The following CEP85L variants were observed in gnomAD, a reference collection of about 807,000 sequenced individuals.
CEP85L encodes the protein centrosomal protein of 85 kDa-like.
Under a neutral mutation model 100.3 loss-of-function variants are expected in CEP85L, and 60 were observed. The observed-to-expected ratio is 0.60, with a 90% CI of 0.49 to 0.74. The LOEUF is 0.74. CEP85L is among the 30% of genes least tolerant of loss of function. The probability of loss-of-function intolerance (pLI) is 0.00; values close to 1 mark genes in which losing one functional copy is unlikely to be tolerated. For missense variants in CEP85L, 973 were observed against 936.2 expected (o/e 1.04, Z -0.51); for synonymous variants, 319 against 322.7 (o/e 0.99, Z 0.12).
chr6:118,548,277 A>G (rs1415190345), intron 3 of CEP85L: 1 of 152,036 alleles, frequency 6.6e-6, no homozygotes, highest in Non-Finnish European at 1.5e-5. Context: ...TTTCTCCTCC[A>G]CCTACTGCAA....
intron 5 of CEP85L, among the ~76,000 whole-genome samples, chr6:118,510,585 C>A (rs1331345232): frequency 6.6e-6 from 1 of 152,064 alleles, no homozygotes; most frequent in African/African-American, 2.4e-5. Flanking sequence ...ATAACACACT[C>A]TGTTAGCATG....
At chr6:118,527,999 A>G (rs2114809551) in intron 3 of CEP85L, among the ~76,000 whole-genome samples, 1 of 152,232 alleles carries the variant, frequency 6.6e-6, no homozygotes, top group South Asian at 2.1e-4. Flanking sequence ...TCTATTTCCA[A>G]TGACCACACA....
intron 2 of CEP85L, among the ~76,000 whole-genome samples, chr6:118,620,943 GA>G (rs1448977336): frequency 8.5e-5 from 13 of 152,114 alleles, no homozygotes; most frequent in African/African-American, 2.9e-4. Context: ...TTAACTACAC[GA>G]ATACGGGGGA....
chr6:118,667,688 G>T (rs1349827979), intron 1 of CEP85L, among the ~76,000 whole-genome samples: 1 of 152,154 alleles, frequency 6.6e-6, no homozygotes, highest in African/African-American at 2.4e-5. Flanking sequence ...AAGGGACTAA[G>T]GCCTAGAGAG....
intron 1 of CEP85L, among the ~76,000 whole-genome samples, chr6:118,660,506 A>T: frequency 6.6e-6 from 1 of 152,226 alleles, no homozygotes; most frequent in East Asian, 1.9e-4. Context: ...CCATACTCCT[A>T]CTTACTTGAA....
chr6:118,515,165 TAATAAA>T (rs1776199861), intron 4 of CEP85L, among the ~76,000 whole-genome samples: 1 of 151,960 alleles, frequency 6.6e-6, no homozygotes, highest in South Asian at 2.1e-4. Flanking sequence ...AACTTAATAA[TAATAAA>T]AAGATCAATT....
chr6:118,700,271 T>G (rs939108557), intron 1 of CEP85L, among the ~76,000 whole-genome samples: 4 of 152,212 alleles, frequency 2.6e-5, no homozygotes, highest in Admixed American at 2.0e-4. Flanking sequence ...CATGTGATAA[T>G]CTACCCCAAT....
At chr6:118,489,271 C>CAAAAAAAAAAAAAAAAA (rs371393488) in intron 6 of CEP85L, among the ~76,000 whole-genome samples, 1 of 127,380 alleles carries the variant, frequency 7.9e-6, no homozygotes. Context: ...AGCTCTGTCT[C>CAAAAAAAAAAAAAAAAA]AAAAAAAAAA....
chr6:118,565,466 AAG>A, intron 3 of CEP85L, 61 bp downstream of exon 3: 6 of 1,430,024 alleles, frequency 4.2e-6, no homozygotes, highest in Non-Finnish European at 5.9e-6. Flanking sequence ...TGCTTACTGT[AAG>A]TGTGCTACTG....
intron 10 of CEP85L, among the ~76,000 whole-genome samples, chr6:118,479,497 A>T (rs143030163): frequency 2.0e-5 from 3 of 152,220 alleles, no homozygotes; most frequent in African/African-American, 7.2e-5. Flanking sequence ...CCTCTTCAGG[A>T]AAAACATCAT....
chr6:118,613,870 A>G (rs1226236434), intron 2 of CEP85L, among the ~76,000 whole-genome samples: 1 of 152,124 alleles, frequency 6.6e-6, no homozygotes. Context: ...AAGAGAGAAC[A>G]TTTCCCCATT....
At chr6:118,529,864 T>C (rs62424202) in intron 3 of CEP85L, among the ~76,000 whole-genome samples, 21,655 of 152,000 alleles carry the variant, frequency 0.14, 1,826 homozygotes, top group Non-Finnish European at 0.19. Flanking sequence ...GACTAAAAGT[T>C]ATTGAAAATG....
intron 1 of CEP85L, among the ~76,000 whole-genome samples, chr6:118,680,604 C>T (rs184874507): frequency 3.5e-4 from 53 of 152,232 alleles, no homozygotes; most frequent in Non-Finnish European, 6.5e-4. Flanking sequence ...GGGCAGGGCA[C>T]AGTGGCTCAC....
rs555986218 is a variant in CEP85L at position 118,485,907 on chromosome 6, T to C, written c.1438-2049A>G. On this transcript the variant is annotated intron_variant, in intron 6 of 12. Transcript: ENST00000368491. ...TCTAACTTGGACTCAACTGTCTAAA[T>C]GTCTTCAATGTGACAAAATGATGCC... is the stretch of plus-strand genomic sequence containing the variant. Among the ~76,000 whole-genome samples the C allele has an allele frequency of 1.4e-4, 21 of 152,354 alleles. No individual in the cohort carries two copies. In the East Asian group the frequency reaches 3.9e-3, roughly 28 times the overall value.
At chr6:118,690,771 A>G (rs1777011090) in intron 1 of CEP85L, among the ~76,000 whole-genome samples, 1 of 152,170 alleles carries the variant, frequency 6.6e-6, no homozygotes, top group African/African-American at 2.4e-5. Context: ...GGCAGAGGCA[A>G]GAGGATCGCT....
chr6:118,662,328 G>A (rs974082482), intron 1 of CEP85L, among the ~76,000 whole-genome samples: 14 of 151,972 alleles, frequency 9.2e-5, no homozygotes, highest in Admixed American at 2.6e-4. Context: ...TCAGGAGTTC[G>A]AGACCAGCCT....
At chr6:118,510,916 T>C (rs1289557398) in intron 5 of CEP85L, among the ~76,000 whole-genome samples, 1 of 152,008 alleles carries the variant, frequency 6.6e-6, no homozygotes, top group Admixed American at 6.6e-5. Flanking sequence ...TAGGTAATGA[T>C]AGAGAAATAA....
intron 1 of CEP85L, among the ~76,000 whole-genome samples, chr6:118,645,481 G>A (rs931202251): frequency 6.6e-6 from 1 of 152,164 alleles, no homozygotes; most frequent in African/African-American, 2.4e-5. Flanking sequence ...AGACCAGCCT[G>A]GGTAACAGTG....
At chr6:118,530,894 G>C (rs1202673270) in intron 3 of CEP85L, among the ~76,000 whole-genome samples, 1 of 150,280 alleles carries the variant, frequency 6.7e-6, no homozygotes, top group East Asian at 1.9e-4. Context: ...CCATGCTCTG[G>C]ATAAGAAAAA....
Sources: allele counts gnomAD v4.1 joint callset (sites outside exome capture counted in the v4.1 genomes callset), GRCh38; gene constraint gnomAD v4.1.1; transcripts MANE v1.5; gene names NCBI Gene and HGNC (gene_info 2026-07-23, HGNC 2026-07-21).